Variants in RBFOX1 observed in about 807,000 individuals in gnomAD.
RBFOX1 encodes the protein RNA binding protein fox-1 homolog 1.
In RBFOX1, 8 loss-of-function variants were observed where a neutral mutation model predicts 57.7. The ratio of observed to expected loss-of-function variants is 0.14; its 90% CI spans 0.08 to 0.25. The LOEUF is 0.25. Ranked by LOEUF, RBFOX1 falls within the 10% of genes least tolerant of loss-of-function variation. The pLI, the probability that RBFOX1 is intolerant of heterozygous loss-of-function variation, is 1.00. For missense variants in RBFOX1, 611 were observed against 548.5 expected, an observed-to-expected ratio of 1.11 and a Z score of -1.14; for synonymous variants, 326 against 222.4, an observed-to-expected ratio of 1.47 and a Z score of -4.15.
At chr16:6,891,576 A>G (rs117032834) in intron 3 of RBFOX1, among the ~76,000 whole-genome samples, 1,880 of 152,314 alleles carry the variant, frequency 0.012, 21 homozygotes, top group Non-Finnish European at 0.02. Context: ...CCAGTGCTCC[A>G]GGCATAGCAT....
intron 3 of RBFOX1, among the ~76,000 whole-genome samples, chr16:6,739,432 T>G (rs1216984061): frequency 2.0e-5 from 3 of 152,150 alleles, no homozygotes; most frequent in East Asian, 1.9e-4. Context: ...ATAATTTGAA[T>G]GACCCTATAA....
At chr16:6,824,360 C>A (rs942170356) in intron 3 of RBFOX1, among the ~76,000 whole-genome samples, 1 of 152,180 alleles carries the variant, frequency 6.6e-6, no homozygotes, top group Non-Finnish European at 1.5e-5. Context: ...GAGCTGAGAT[C>A]ATGCTACAGC....
chr16:6,026,171 T>C (rs554851670), intron 1 of RBFOX1, among the ~76,000 whole-genome samples: 19 of 152,202 alleles, frequency 1.2e-4, no homozygotes, highest in Non-Finnish European at 2.2e-4. Context: ...TTTTATTGAG[T>C]GACTCTGTTT....
At chr16:5,665,369 C>T (rs1209768549) in intron 3 of RBFOX1, among the ~76,000 whole-genome samples, 3 of 152,062 alleles carry the variant, frequency 2.0e-5, no homozygotes, top group Non-Finnish European at 4.4e-5. Context: ...TAAGGACATC[C>T]TATCTTATGG....
chr16:6,383,188 C>T (rs888518695), intron 2 of RBFOX1, among the ~76,000 whole-genome samples: 1 of 152,312 alleles, frequency 6.6e-6, no homozygotes, highest in African/African-American at 2.4e-5. Context: ...ATCTGGCTTT[C>T]TTCTTGTTAA....
At chr16:6,297,225 A>G (rs573578885) in intron 1 of RBFOX1, among the ~76,000 whole-genome samples, 47 of 152,170 alleles carry the variant, frequency 3.1e-4, no homozygotes, top group African/African-American at 9.9e-4. Flanking sequence ...TATGACCTGT[A>G]TCTTGTGCCA....
intron 2 of RBFOX1, among the ~76,000 whole-genome samples, chr16:6,354,228 G>C (rs929644848): frequency 3.3e-5 from 5 of 149,760 alleles, no homozygotes; most frequent in African/African-American, 9.8e-5. Context: ...TCAACACACA[G>C]ACACACACAC....
At chr16:6,387,604 G>A (rs1414211840) in intron 2 of RBFOX1, among the ~76,000 whole-genome samples, 1 of 152,168 alleles carries the variant, frequency 6.6e-6, no homozygotes, top group Non-Finnish European at 1.5e-5. Flanking sequence ...TCAAGGTTAT[G>A]TGAAACAAAG....
intron 1 of RBFOX1, among the ~76,000 whole-genome samples, chr16:6,190,432 CA>C (rs1324822882): frequency 7.9e-5 from 12 of 152,304 alleles, no homozygotes; most frequent in Admixed American, 7.8e-4. Flanking sequence ...CTTTATGCAA[CA>C]GACTAGGCAA....
chr16:6,303,540 G>A (rs1401442770), intron 1 of RBFOX1, among the ~76,000 whole-genome samples: 1 of 152,044 alleles, frequency 6.6e-6, no homozygotes, highest in East Asian at 1.9e-4. Flanking sequence ...TATGTACTGA[G>A]GGTTTGCTTT....
chr16:5,280,350 A>G (rs1330330995), intron 1 of RBFOX1, among the ~76,000 whole-genome samples: 2 of 152,194 alleles, frequency 1.3e-5, no homozygotes, highest in Non-Finnish European at 2.9e-5. Context: ...TATTATGCCG[A>G]GAATTTTTCC....
intron 2 of RBFOX1, among the ~76,000 whole-genome samples, chr16:6,509,039 A>G (rs1022335395): frequency 1.3e-5 from 2 of 152,146 alleles, no homozygotes; most frequent in African/African-American, 4.8e-5. Flanking sequence ...GGCACCATAC[A>G]TTTGGATGAG....
chr16:7,618,465 A>G (rs943315246), intron 10 of RBFOX1, among the ~76,000 whole-genome samples: 1 of 152,070 alleles, frequency 6.6e-6, no homozygotes, highest in Non-Finnish European at 1.5e-5. Context: ...TGTGAAACTT[A>G]TTTCGTGGTT....
At chr16:5,927,965 G>A (rs934449341) in intron 4 of RBFOX1, among the ~76,000 whole-genome samples, 1 of 152,202 alleles carries the variant, frequency 6.6e-6, no homozygotes, top group Admixed American at 6.5e-5. Flanking sequence ...GAGGTTGTTG[G>A]TGAGATAGAA....
chr16:7,546,787 C>T lies in RBFOX1; in HGVS notation c.270+28398C>T, dbSNP rs572680220. ...TTGGACATAGTTTATTTAGCCAATC[C>T]CTTGTAGTTGGACACTTAAATTTTT... On this transcript the variant is annotated intron_variant, in intron 5 of 15. Coordinates refer to ENST00000550418, the MANE Select transcript of RBFOX1 (RefSeq NM_018723.4). 5.7e-3 allele frequency among the ~76,000 whole-genome samples: 864 copies of T among 152,118 alleles called. 2 individuals are homozygous for T. The highest frequency in any genetic ancestry group is 9.0e-3 in the Non-Finnish European group (614 of 68,008).
chr16:6,263,975 G>A (rs1178350641), intron 1 of RBFOX1, among the ~76,000 whole-genome samples: 1 of 152,126 alleles, frequency 6.6e-6, no homozygotes, highest in Non-Finnish European at 1.5e-5. Flanking sequence ...TGCAAGTGGG[G>A]CTAAAACATT....
chr16:5,421,994 A>G (rs942068169), intron 1 of RBFOX1, among the ~76,000 whole-genome samples: 1 of 152,210 alleles, frequency 6.6e-6, no homozygotes. Flanking sequence ...AAGGGTGTCT[A>G]TACACTTGCT....
intron 3 of RBFOX1, among the ~76,000 whole-genome samples, chr16:6,925,137 TTTTTTTTTTTTTTTG>T: frequency 1.9e-5 from 2 of 103,260 alleles, no homozygotes; most frequent in African/African-American, 8.0e-5. Context: ...TTTTTTTTTT[TTTTTTTTTTTTTTTG>T]AGATGGAGTT....
intron 4 of RBFOX1, among the ~76,000 whole-genome samples, chr16:7,252,690 A>G (rs2094538340): frequency 6.7e-6 from 1 of 148,234 alleles, no homozygotes; most frequent in Admixed American, 6.7e-5. Context: ...TTTTTCATTT[A>G]CATCCTTTTT....
Sources: allele counts gnomAD v4.1 joint callset (sites outside exome capture counted in the v4.1 genomes callset), GRCh38; gene constraint gnomAD v4.1.1; transcripts MANE v1.5; gene names NCBI Gene and HGNC (gene_info 2026-07-23, HGNC 2026-07-21).